COQ8A: variants seen among roughly 807,000 people sequenced by gnomAD.
COQ8A encodes the protein atypical kinase COQ8A, mitochondrial.
COQ8A carries 51 observed loss-of-function variants against 65.0 expected under a neutral mutation model. The observed-to-expected ratio is 0.78, with a 90% CI of 0.63 to 0.99. The LOEUF (loss-of-function observed/expected upper bound fraction) is 0.99, where lower values mean the gene tolerates loss of function less well. Among genes scored for constraint, COQ8A ranks in the 50% least tolerant of loss-of-function variants. COQ8A has a pLI of 0.00. For missense variants in COQ8A, 940 were observed against 875.0 expected, an observed-to-expected ratio of 1.07 and a Z score of -0.94; for synonymous variants, 371 against 353.2, an observed-to-expected ratio of 1.05 and a Z score of -0.57.
chr1:226,954,216 C>T (rs1657553519), intron 1 of COQ8A, among the ~76,000 whole-genome samples: 1 of 152,238 alleles, frequency 6.6e-6, no homozygotes, highest in Non-Finnish European at 1.5e-5. Context: ...TTTTGATTTC[C>T]TTTTTCTGTT....
intron 1 of COQ8A, among the ~76,000 whole-genome samples, chr1:226,942,787 C>T (rs113843121): frequency 5.9e-5 from 9 of 152,284 alleles, no homozygotes; most frequent in African/African-American, 2.2e-4. Flanking sequence ...GTCAGTGAAC[C>T]TTTTCTTTTT....
At chr1:226,962,501 T>A (rs1446640033) in intron 2 of COQ8A, among the ~76,000 whole-genome samples, 1 of 152,182 alleles carries the variant, frequency 6.6e-6, no homozygotes, top group East Asian at 1.9e-4. Flanking sequence ...GGGGGGTGTT[T>A]GTGTGCCTGT....
At chr1:226,943,652 A>G (rs1656828156) in intron 1 of COQ8A, among the ~76,000 whole-genome samples, 1 of 152,166 alleles carries the variant, frequency 6.6e-6, no homozygotes, top group South Asian at 2.1e-4. Flanking sequence ...GAAGGTGGTC[A>G]TCTTAGTTTT....
chr1:226,951,168 A>AC (rs1657353416), intron 1 of COQ8A, among the ~76,000 whole-genome samples: 1 of 151,972 alleles, frequency 6.6e-6, no homozygotes. Context: ...TCCCCTGACC[A>AC]CCCCCTGACC....
intron 5 of COQ8A, among the ~76,000 whole-genome samples, chr1:226,979,894 C>A (rs1423183616): frequency 6.6e-6 from 1 of 152,214 alleles, no homozygotes; most frequent in Admixed American, 6.5e-5. Context: ...CCTTCCCCTA[C>A]TGTCCCCTAC....
At chr1:226,944,554 C>G (rs1254714329) in intron 1 of COQ8A, among the ~76,000 whole-genome samples, 1 of 151,634 alleles carries the variant, frequency 6.6e-6, no homozygotes, top group Non-Finnish European at 1.5e-5. Context: ...TGCGGGCCCT[C>G]CTATCTGGTT....
chr1:226,958,659 G>A (rs1327299473), intron 1 of COQ8A, among the ~76,000 whole-genome samples: 1 of 152,160 alleles, frequency 6.6e-6, no homozygotes, highest in Admixed American at 6.5e-5. Context: ...TTCATGCCTG[G>A]CTAGTGGACA....
At chr1:226,969,949 G>T (rs1658786377) in intron 4 of COQ8A, among the ~76,000 whole-genome samples, 1 of 151,888 alleles carries the variant, frequency 6.6e-6, no homozygotes, top group Admixed American at 6.6e-5. Context: ...ATTAATCAAG[G>T]ACTTAAAATT....
At position 226,981,992 on chromosome 1, in the gene COQ8A, C is replaced by T. The variant is rs779268557; in HGVS notation, c.731-35C>T. 59 of 1,612,730 alleles carry T rather than the reference C, an allele frequency of 3.7e-5. No individual in the cohort carries two copies. In the Middle Eastern group the frequency reaches 8.2e-4, roughly 22 times the overall value. On this transcript the variant is annotated intron_variant, in intron 5 of 14. Transcript: ENST00000366777. ...TTGCCATCCCACTCCCAGACCCCCC[C>T]GAGTGCCGTGGTGACCCCTCTTGCC... is the stretch of plus-strand genomic sequence containing the variant.
At chr1:226,979,528 T>G (rs1051813932) in intron 5 of COQ8A, among the ~76,000 whole-genome samples, 1 of 152,152 alleles carries the variant, frequency 6.6e-6, no homozygotes, top group Non-Finnish European at 1.5e-5. Flanking sequence ...CCCGGCCCAT[T>G]CAGGGAATGT....
At chr1:226,971,544 C>CAAAAAAAAAAAAAAA (rs543279579) in intron 4 of COQ8A, among the ~76,000 whole-genome samples, 1 of 144,472 alleles carries the variant, frequency 6.9e-6, no homozygotes, top group Non-Finnish European at 1.5e-5. Flanking sequence ...AGCTCCATCT[C>CAAAAAAAAAAAAAAA]AAAAAGAAAA....
intron 1 of COQ8A, among the ~76,000 whole-genome samples, chr1:226,960,391 A>G (rs1334630369): frequency 7.1e-4 from 4 of 5,660 alleles, no homozygotes; most frequent in African/African-American, 1.1e-3. Context: ...TGGTGGTGTC[A>G]GTGGTGGTAC....
intron 4 of COQ8A, among the ~76,000 whole-genome samples, chr1:226,969,007 G>T (rs907528200): frequency 1.3e-5 from 2 of 151,148 alleles, no homozygotes; most frequent in East Asian, 1.9e-4. Context: ...CTCTACCGTG[G>T]TTTTCTCTTT....
intron 1 of COQ8A, among the ~76,000 whole-genome samples, chr1:226,943,039 T>TG (rs990608753): frequency 1.4e-4 from 22 of 152,214 alleles, no homozygotes; most frequent in Admixed American, 2.0e-4. Context: ...TTTGATCCTG[T>TG]GGGGATGTAT....
At chr1:226,985,439 G>A in intron 14 of COQ8A, 99 bp downstream of exon 14, 3 of 1,405,936 alleles carry the variant, frequency 2.1e-6, no homozygotes, top group Non-Finnish European at 3.0e-6. Context: ...GCCCTCAAGG[G>A]GCCCCCAGAG....
intron 3 of COQ8A, 73 bp downstream of exon 3, chr1:226,965,483 A>C (rs1000722474): frequency 2.1e-5 from 33 of 1,570,320 alleles, no homozygotes; most frequent in Non-Finnish European, 2.3e-5. Flanking sequence ...GCTCTGCTCT[A>C]GGGACTTTTC....
At chr1:226,959,418 C>T (rs1224648096) in intron 1 of COQ8A, among the ~76,000 whole-genome samples, 2 of 149,814 alleles carry the variant, frequency 1.3e-5, no homozygotes, top group East Asian at 3.9e-4. Flanking sequence ...AGACCCCTCT[C>T]TTAAAAAAAA....
chr1:226,963,262 C>G (rs911622801), intron 2 of COQ8A, among the ~76,000 whole-genome samples: 1 of 151,600 alleles, frequency 6.6e-6, no homozygotes. Flanking sequence ...AGGGTGGCTG[C>G]CCGCAGTGCG....
At chr1:226,983,335 T>C in intron 8 of COQ8A, 1 of 663,880 alleles carries the variant, frequency 1.5e-6, no homozygotes, top group Non-Finnish European at 2.6e-6. Context: ...GGCCGTGAGC[T>C]GTTCCCAGGG....
Sources: gnomAD v4.1 joint callset for allele counts (sites outside exome capture counted in the v4.1 genomes callset) on GRCh38, gnomAD v4.1.1 for gene constraint, MANE v1.5 for transcripts, NCBI Gene and HGNC (gene_info 2026-07-23, HGNC 2026-07-21) for gene names.